The following NAALADL2 variants were observed in gnomAD, a reference collection of about 807,000 sequenced individuals.
NAALADL2 encodes the protein N-acetylated alpha-linked acidic dipeptidase like 2.
In NAALADL2, 76 loss-of-function variants were observed where a neutral mutation model predicts 87.2. That is an observed-to-expected ratio of 0.87 (90% confidence interval 0.72 to 1.05). The LOEUF (loss-of-function observed/expected upper bound fraction) is 1.05. Among genes scored for constraint, NAALADL2 ranks in the 50% least tolerant of loss-of-function variants. The probability of loss-of-function intolerance (pLI) is 0.00; values close to 1 mark genes in which losing one functional copy is unlikely to be tolerated. For synonymous variants in NAALADL2, 354 were observed against 331.0 expected, an observed-to-expected ratio of 1.07 and a Z score of -0.75; for missense variants, 1,089 against 945.8, an observed-to-expected ratio of 1.15 and a Z score of -1.99.
chr3:175,601,744 A>G (rs1723003854), intron 10 of NAALADL2, among the ~76,000 whole-genome samples: 2 of 152,156 alleles, frequency 1.3e-5, no homozygotes, highest in Non-Finnish European at 2.9e-5. Flanking sequence ...CTAACACATA[A>G]ATTCAATATC....
chr3:174,579,304 A>G (rs1307355706), intron 2 of NAALADL2, among the ~76,000 whole-genome samples: 2 of 152,038 alleles, frequency 1.3e-5, no homozygotes, highest in African/African-American at 4.8e-5. Flanking sequence ...AATGGAACCA[A>G]CAGAGATATC....
chr3:174,476,158 AC>A (rs1363987631), intron 1 of NAALADL2, among the ~76,000 whole-genome samples: 1 of 151,942 alleles, frequency 6.6e-6, no homozygotes, highest in Non-Finnish European at 1.5e-5. Flanking sequence ...CTTGTCAAAG[AC>A]CCCATGAAAA....
intron 9 of NAALADL2, among the ~76,000 whole-genome samples, chr3:175,538,393 AGT>A (rs1278431459): frequency 6.6e-6 from 1 of 151,924 alleles, no homozygotes; most frequent in Admixed American, 6.6e-5. Flanking sequence ...AAAAAAAAAA[AGT>A]GTATTTCAGC....
chr3:174,668,443 T>C (rs1035534360), intron 2 of NAALADL2, among the ~76,000 whole-genome samples: 6 of 152,200 alleles, frequency 3.9e-5, no homozygotes, highest in African/African-American at 1.4e-4. Flanking sequence ...TATTATACTT[T>C]AAGTTCTAGG....
chr3:175,327,316 C>T (rs762830067), intron 5 of NAALADL2, among the ~76,000 whole-genome samples: 4 of 151,900 alleles, frequency 2.6e-5, no homozygotes, highest in Admixed American at 6.6e-5. Flanking sequence ...CCACCATGCC[C>T]GGCTAATTTT....
Position 174,641,512 on chromosome 3 carries a change from A to G in NAALADL2, c.-115+90875A>G, listed in dbSNP as rs536501150. On this transcript the variant is annotated intron_variant, in intron 2 of 3. Transcript: ENST00000434257. ...CCAGCTGACAGAATCAAGGACACAC[A>G]CCGTGTTAACGATGCCCTCAAGGCT... Among the ~76,000 whole-genome samples the G allele has an allele frequency of 5.3e-5, 8 of 152,260 alleles. No individual in the cohort carries two copies. In the South Asian group the frequency reaches 1.7e-3, roughly 32 times the overall value.
intron 5 of NAALADL2, among the ~76,000 whole-genome samples, chr3:175,425,780 A>G (rs1716675930): frequency 6.6e-6 from 1 of 152,202 alleles, no homozygotes; most frequent in East Asian, 1.9e-4. Context: ...AGAAAGACCT[A>G]GGATCATCTG....
intron 11 of NAALADL2, among the ~76,000 whole-genome samples, chr3:175,672,465 G>A (rs1276139142): frequency 6.6e-6 from 1 of 152,126 alleles, no homozygotes; most frequent in East Asian, 1.9e-4. Context: ...GCTTATACTT[G>A]GCAGCTGGGC....
chr3:175,619,644 G>A (rs532680491), intron 10 of NAALADL2, among the ~76,000 whole-genome samples: 21 of 152,020 alleles, frequency 1.4e-4, no homozygotes, highest in African/African-American at 5.1e-4. Context: ...CACTCCTGAT[G>A]ACTGAGCCAA....
intron 1 of NAALADL2, among the ~76,000 whole-genome samples, chr3:174,979,223 A>C (rs945559390): frequency 9.9e-5 from 15 of 151,422 alleles, no homozygotes; most frequent in African/African-American, 3.6e-4. Flanking sequence ...TTATTTGTTC[A>C]AATCTGTATA....
intron 3 of NAALADL2, among the ~76,000 whole-genome samples, chr3:174,744,517 ACT>A (rs1734068916): frequency 6.6e-6 from 1 of 152,108 alleles, no homozygotes; most frequent in Non-Finnish European, 1.5e-5. Flanking sequence ...TTAACAGCCC[ACT>A]GTCAATATTA....
intron 2 of NAALADL2, among the ~76,000 whole-genome samples, chr3:175,186,015 C>A (rs1311864598): frequency 6.6e-6 from 1 of 151,928 alleles, no homozygotes; most frequent in Non-Finnish European, 1.5e-5. Context: ...CCAGTATTCA[C>A]TCCTAGTAAC....
At chr3:174,813,368 A>C (rs1187599024) in intron 3 of NAALADL2, among the ~76,000 whole-genome samples, 4 of 152,254 alleles carry the variant, frequency 2.6e-5, no homozygotes, top group Non-Finnish European at 4.4e-5. Context: ...TGGGTTGGAC[A>C]AGCTTTTTTA....
intron 11 of NAALADL2, among the ~76,000 whole-genome samples, chr3:175,721,512 AAGGAGACTG>A (rs1353160855): frequency 2.0e-5 from 3 of 152,122 alleles, no homozygotes; most frequent in African/African-American, 7.2e-5. Flanking sequence ...ACATCAGAGA[AAGGAGACTG>A]AGGCAAAGCT....
intron 3 of NAALADL2, among the ~76,000 whole-genome samples, chr3:174,780,379 T>G (rs12635712): frequency 0.25 from 38,071 of 152,084 alleles, 4,919 homozygotes; most frequent in East Asian, 0.4. Context: ...AAGGAGATTT[T>G]GGGCTGAGAC....
At chr3:174,939,875 A>C (rs1421789652) in intron 1 of NAALADL2, among the ~76,000 whole-genome samples, 2 of 152,092 alleles carry the variant, frequency 1.3e-5, no homozygotes, top group African/African-American at 2.4e-5. Flanking sequence ...AATGTTGCTG[A>C]AGCTGTTTAT....
At position 175,436,041 on chromosome 3, in the gene NAALADL2, C is replaced by T. The variant is rs536212908; in HGVS notation, c.1091-11188C>T. On this transcript the variant is annotated intron_variant, in intron 5 of 13. Transcript: ENST00000454872. Reference sequence around the variant, plus strand: ...ACAGTCCCCAGAGTGTGATATTCCCCTTCCTGTGTCCATGTGATCTCATTG... The same window carrying T: ...ACAGTCCCCAGAGTGTGATATTCCCTTTCCTGTGTCCATGTGATCTCATTG... Among the ~76,000 whole-genome samples, 183 of 136,106 alleles carry T rather than the reference C, an allele frequency of 1.3e-3. 2 individuals are homozygous for T. The highest frequency in any genetic ancestry group is 4.3e-3 in the African/African-American group (155 of 36,182). The allele number at this position is 136,106 out of a possible 152,430, so 89.3% of individuals were successfully genotyped here. A position where few individuals can be genotyped will look rare whatever the true frequency, so the allele number is the denominator to read the frequency against.
intron 3 of NAALADL2, among the ~76,000 whole-genome samples, chr3:174,751,760 C>G (rs562727425): frequency 6.6e-6 from 1 of 150,876 alleles, no homozygotes; most frequent in Non-Finnish European, 1.5e-5. Flanking sequence ...TATCTAATAA[C>G]TTTCATGTAC....
chr3:175,120,873 A>G (rs574888850), intron 2 of NAALADL2, among the ~76,000 whole-genome samples: 1 of 151,938 alleles, frequency 6.6e-6, no homozygotes, highest in South Asian at 2.1e-4. Context: ...TTCAAATAGA[A>G]CAAGACTAAT....
Sources: allele counts gnomAD v4.1 joint callset (sites outside exome capture counted in the v4.1 genomes callset), GRCh38; gene constraint gnomAD v4.1.1; transcripts MANE v1.5; gene names NCBI Gene and HGNC (gene_info 2026-07-23, HGNC 2026-07-21).